Variants in CNTN4 observed in about 807,000 individuals in gnomAD.
CNTN4 encodes contactin-4.
A neutral mutation model predicts 122.5 loss-of-function variants in CNTN4; 77 were observed. The observed-to-expected ratio is 0.63, with a 90% confidence interval of 0.52 to 0.76. The LOEUF is 0.76. Among genes scored for constraint, CNTN4 ranks in the 30% least tolerant of loss-of-function variants. The pLI, the probability that CNTN4 is intolerant of heterozygous loss-of-function variation, is 0.00. For missense variants in CNTN4, 1,256 were observed against 1,259.1 expected (o/e 1.00, Z 0.04); for synonymous variants, 512 against 447.0 (o/e 1.15, Z -1.83).
At chr3:2,291,331 A>T (rs1290833641) in intron 2 of CNTN4, among the ~76,000 whole-genome samples, 1 of 152,134 alleles carries the variant, frequency 6.6e-6, no homozygotes, top group Non-Finnish European at 1.5e-5. Flanking sequence ...CATATAGGAG[A>T]ATTCTCACTA....
chr3:3,022,783 C>G (rs1698411507), intron 14 of CNTN4, among the ~76,000 whole-genome samples: 1 of 152,044 alleles, frequency 6.6e-6, no homozygotes, highest in Non-Finnish European at 1.5e-5. Flanking sequence ...GATTTTTAAG[C>G]ATCAGTCCTC....
At chr3:2,275,597 G>A (rs1685434) in intron 2 of CNTN4, among the ~76,000 whole-genome samples, 150,433 of 152,226 alleles carry the variant, frequency 0.99, 74,361 homozygotes, top group Middle Eastern at 1. Context: ...ACAATTACAT[G>A]TTCTTTCATG....
intron 6 of CNTN4, among the ~76,000 whole-genome samples, chr3:2,749,353 A>T (rs9820163): frequency 4.7e-4 from 54 of 114,828 alleles, no homozygotes; most frequent in Middle Eastern, 4.9e-3. Context: ...TTGTATTTTT[A>T]GTAGAGATGG....
chr3:2,764,120 C>T (rs928638845), intron 6 of CNTN4, among the ~76,000 whole-genome samples: 1 of 152,128 alleles, frequency 6.6e-6, no homozygotes, highest in Non-Finnish European at 1.5e-5. Flanking sequence ...TTCTGAGTGC[C>T]TACTCTGTGC....
rs6771821 is a variant in CNTN4 at position 2,314,356 on chromosome 3, T to G, written c.-144-24822T>G. ...GGAGTTTCGAAAATAACTAAAAAAA[T>G]TTTTTAATGAAATGTTTATATAATA... On this transcript the variant is annotated intron_variant, in intron 2 of 24. Coordinates refer to ENST00000418658, the MANE Select transcript of CNTN4 (RefSeq NM_175607.3). Among the ~76,000 whole-genome samples the G allele has an allele frequency of 6.2e-3, 936 of 151,888 alleles. 12 individuals are homozygous for G. The highest frequency in any genetic ancestry group is 0.021 in the African/African-American group (889 of 41,498).
At chr3:2,309,084 T>C (rs569529164) in intron 2 of CNTN4, among the ~76,000 whole-genome samples, 2 of 152,262 alleles carry the variant, frequency 1.3e-5, no homozygotes, top group African/African-American at 4.8e-5. Context: ...TATTGTTGAA[T>C]TTTCTATTTC....
Position 2,704,296 on chromosome 3 carries a change from C to CA in CNTN4, c.56-31894dup, listed in dbSNP as rs151155380. Among the ~76,000 whole-genome samples the CA allele has an allele frequency of 3.9e-3, 270 of 69,438 alleles. 1 individual carries two copies. The highest frequency in any genetic ancestry group is 7.5e-3 in the East Asian group (17 of 2,278). The allele number at this position is 69,438 out of a possible 152,430, so 45.6% of individuals were successfully genotyped here. On this transcript the variant is annotated intron_variant, in intron 4 of 24. Coordinates refer to ENST00000418658, the MANE Select transcript of CNTN4 (RefSeq NM_175607.3). Reference sequence around the variant, plus strand: ...TGGGTGACAGAGCGAGACTTCATTTCAAAAAAAAAAAAAAAAAAAAAAAAA... The same window carrying CA: ...TGGGTGACAGAGCGAGACTTCATTTCAAAAAAAAAAAAAAAAAAAAAAAAAA...
At chr3:2,845,474 A>C (rs1426680927) in intron 7 of CNTN4, among the ~76,000 whole-genome samples, 1 of 152,142 alleles carries the variant, frequency 6.6e-6, no homozygotes, top group Non-Finnish European at 1.5e-5. Flanking sequence ...TATATAAACT[A>C]TATGTTATGA....
At chr3:2,313,824 C>T (rs1470469303) in intron 2 of CNTN4, among the ~76,000 whole-genome samples, 1 of 151,766 alleles carries the variant, frequency 6.6e-6, no homozygotes, top group Non-Finnish European at 1.5e-5. Flanking sequence ...ACCAAATACC[C>T]CCCAAAATAA....
intron 7 of CNTN4, among the ~76,000 whole-genome samples, chr3:2,842,270 ATCTTGGG>A (rs1253048294): frequency 6.6e-6 from 1 of 152,128 alleles, no homozygotes; most frequent in African/African-American, 2.4e-5. Context: ...TGGTGTCTTT[ATCTTGGG>A]CAGTAGCTGT....
At chr3:3,042,787 C>T (rs1339918985) in intron 21 of CNTN4, 190 bp from the exon 22 acceptor site, 3 of 621,770 alleles carry the variant, frequency 4.8e-6, no homozygotes, top group South Asian at 4.0e-5. Flanking sequence ...AAGCTAAGGA[C>T]AAAAAAGGGA....
chr3:2,359,141 C>G (rs2045004510), intron 3 of CNTN4, among the ~76,000 whole-genome samples: 1 of 152,136 alleles, frequency 6.6e-6, no homozygotes. Flanking sequence ...TGTGACAGCC[C>G]TCTCATATGA....
At chr3:2,412,158 C>A (rs765917369) in intron 3 of CNTN4, among the ~76,000 whole-genome samples, 38 of 151,882 alleles carry the variant, frequency 2.5e-4, no homozygotes, top group Admixed American at 1.2e-3. Flanking sequence ...GGAGTGTGTT[C>A]TTTTCATTGC....
At chr3:2,277,732 C>T (rs1238070354) in intron 2 of CNTN4, among the ~76,000 whole-genome samples, 6 of 152,108 alleles carry the variant, frequency 3.9e-5, no homozygotes, top group Non-Finnish European at 4.4e-5. Context: ...GTCCTTTTGT[C>T]ACTTGGAAAA....
intron 3 of CNTN4, among the ~76,000 whole-genome samples, chr3:2,400,416 T>TATATATATAC (rs2046801849): frequency 1.6e-5 from 1 of 62,914 alleles, no homozygotes; most frequent in African/African-American, 4.6e-5. Flanking sequence ...TATATATATA[T>TATATATATAC]ATATATATAT....
At chr3:2,522,157 G>GTC (rs2077243717) in intron 3 of CNTN4, among the ~76,000 whole-genome samples, 1 of 121,794 alleles carries the variant, frequency 8.2e-6, no homozygotes, top group South Asian at 4.0e-4. Flanking sequence ...GTTTGTGTGT[G>GTC]TGTGTGTGTG....
At chr3:2,351,544 A>G (rs370485614) in intron 3 of CNTN4, among the ~76,000 whole-genome samples, 23 of 152,226 alleles carry the variant, frequency 1.5e-4, no homozygotes, top group Non-Finnish European at 2.9e-4. Context: ...GTAAATATGT[A>G]TGATCTCACT....
intron 2 of CNTN4, among the ~76,000 whole-genome samples, chr3:2,328,488 AC>A (rs1292491945): frequency 6.6e-6 from 1 of 152,236 alleles, no homozygotes; most frequent in Non-Finnish European, 1.5e-5. Flanking sequence ...TGTAAAACTT[AC>A]GTTAAATTAA....
intron 13 of CNTN4, among the ~76,000 whole-genome samples, chr3:2,951,328 G>A (rs140460016): frequency 6.6e-6 from 1 of 152,258 alleles, no homozygotes; most frequent in Non-Finnish European, 1.5e-5. Context: ...CTCATAAGGG[G>A]CATGCAACCT....
Sources: allele counts gnomAD v4.1 joint callset (sites outside exome capture counted in the v4.1 genomes callset), GRCh38; gene constraint gnomAD v4.1.1; transcripts MANE v1.5; gene names NCBI Gene and HGNC (gene_info 2026-07-23, HGNC 2026-07-21).